The following TBC1D22A variants were observed in gnomAD, a reference collection of about 807,000 sequenced individuals.
The protein encoded by TBC1D22A is putative GTPase activator.
A neutral mutation model predicts 60.2 loss-of-function variants in TBC1D22A; 38 were observed. That is an observed-to-expected ratio of 0.63 (90% CI 0.49 to 0.83). The LOEUF (loss-of-function observed/expected upper bound fraction) is 0.83, where lower values mean the gene tolerates loss of function less well. TBC1D22A is among the 40% of genes least tolerant of loss of function. The pLI, the probability that TBC1D22A is intolerant of heterozygous loss-of-function variation, is 0.00. For synonymous variants in TBC1D22A, 302 were observed against 281.7 expected, an observed-to-expected ratio of 1.07 and a Z score of -0.72; for missense variants, 628 against 701.0, an observed-to-expected ratio of 0.90 and a Z score of 1.18.
At chr22:47,069,626 C>T (rs943657250) in intron 11 of TBC1D22A, among the ~76,000 whole-genome samples, 4 of 142,638 alleles carry the variant, frequency 2.8e-5, no homozygotes, top group African/African-American at 1.1e-4. Flanking sequence ...TTTGGTTGGA[C>T]GCTGTTCCCT....
chr22:47,155,186 C>T (rs1423079453), intron 12 of TBC1D22A, among the ~76,000 whole-genome samples: 3 of 150,846 alleles, frequency 2.0e-5, no homozygotes, highest in South Asian at 2.1e-4. Context: ...CACTGAAAGG[C>T]GCTTTTCTCT....
chr22:47,063,790 A>G (rs553695442), intron 11 of TBC1D22A, among the ~76,000 whole-genome samples: 1 of 152,140 alleles, frequency 6.6e-6, no homozygotes. Flanking sequence ...TCCCGCCTCC[A>G]TGTGTTACCA....
chr22:47,166,509 G>A (rs1035196697), intron 12 of TBC1D22A, among the ~76,000 whole-genome samples: 2 of 152,126 alleles, frequency 1.3e-5, no homozygotes, highest in Non-Finnish European at 1.5e-5. Flanking sequence ...GCACAGACCC[G>A]CCCTGTTTCA....
At chr22:47,162,219 A>G (rs1276742126) in intron 12 of TBC1D22A, among the ~76,000 whole-genome samples, 1 of 143,966 alleles carries the variant, frequency 6.9e-6, no homozygotes, top group Non-Finnish European at 1.5e-5. Flanking sequence ...TTTTTTTTTA[A>G]GGTTTTGTGT....
intron 8 of TBC1D22A, among the ~76,000 whole-genome samples, chr22:46,953,638 C>T (rs1467265634): frequency 6.6e-6 from 1 of 152,120 alleles, no homozygotes; most frequent in African/African-American, 2.4e-5. Flanking sequence ...GGTACAGAAT[C>T]CTGGGTTACC....
chr22:47,160,978 T>C (rs2067959305), intron 12 of TBC1D22A, among the ~76,000 whole-genome samples: 1 of 152,072 alleles, frequency 6.6e-6, no homozygotes, highest in African/African-American at 2.4e-5. Context: ...CCCTGAGCCT[T>C]TCTCAGTTCT....
intron 4 of TBC1D22A, among the ~76,000 whole-genome samples, chr22:46,832,898 A>C (rs897942967): frequency 1.3e-5 from 2 of 152,120 alleles, no homozygotes; most frequent in Admixed American, 6.5e-5. Flanking sequence ...GGAAGAAGGG[A>C]TAGAACAGGG....
chr22:46,783,383 C>T (rs542585073), intron 1 of TBC1D22A, among the ~76,000 whole-genome samples: 1 of 152,232 alleles, frequency 6.6e-6, no homozygotes, highest in Non-Finnish European at 1.5e-5. Flanking sequence ...AGAGCCAGAG[C>T]GATCTTTAAA....
At chr22:47,023,152 AAGACATGGAAGTAG>A (rs1046868804) in intron 10 of TBC1D22A, among the ~76,000 whole-genome samples, 7 of 152,242 alleles carry the variant, frequency 4.6e-5, no homozygotes, top group Non-Finnish European at 8.8e-5. Context: ...GAAATAGATA[AAGACATGGAAGTAG>A]AGACATGGAA....
intron 8 of TBC1D22A, among the ~76,000 whole-genome samples, chr22:46,973,832 T>C (rs1569292510): frequency 1.3e-5 from 2 of 152,214 alleles, no homozygotes; most frequent in Non-Finnish European, 2.9e-5. Context: ...GTTTTGATCA[T>C]AGCATGGAAG....
chr22:46,786,520 CAT>C (rs1455560441), intron 1 of TBC1D22A, among the ~76,000 whole-genome samples: 2 of 152,104 alleles, frequency 1.3e-5, no homozygotes, highest in South Asian at 2.1e-4. Flanking sequence ...GTACTTGCCT[CAT>C]AGAATGAGTT....
At chr22:46,971,841 G>A (rs1398064213) in intron 8 of TBC1D22A, among the ~76,000 whole-genome samples, 2 of 152,248 alleles carry the variant, frequency 1.3e-5, no homozygotes, top group African/African-American at 4.8e-5. Flanking sequence ...CTTCATCAGA[G>A]GGTGTGCTCA....
chr22:47,100,120 G>T (rs11912385), intron 11 of TBC1D22A, among the ~76,000 whole-genome samples: 52 of 152,322 alleles, frequency 3.4e-4, no homozygotes, highest in African/African-American at 1.3e-3. Flanking sequence ...CTTCCAGGGT[G>T]CTGCCTGGCC....
At chr22:46,907,616 G>T (rs1187034776) in intron 7 of TBC1D22A, among the ~76,000 whole-genome samples, 1 of 152,036 alleles carries the variant, frequency 6.6e-6, no homozygotes, top group Non-Finnish European at 1.5e-5. Context: ...CACCATCCTC[G>T]CCTCCACCAT....
At chr22:46,776,262 A>G (rs1274824126) in intron 1 of TBC1D22A, among the ~76,000 whole-genome samples, 1 of 152,148 alleles carries the variant, frequency 6.6e-6, no homozygotes, top group African/African-American at 2.4e-5. Flanking sequence ...CTGAGTGAGG[A>G]GGAGTACAGG....
chr22:46,953,920 G>A (rs144156879), intron 8 of TBC1D22A, among the ~76,000 whole-genome samples: 1 of 152,354 alleles, frequency 6.6e-6, no homozygotes, highest in East Asian at 1.9e-4. Context: ...GTATAGGTAA[G>A]GAAGCTGAGA....
chr22:46,837,964 G>A (rs1220176280), intron 4 of TBC1D22A, among the ~76,000 whole-genome samples: 3 of 152,226 alleles, frequency 2.0e-5, no homozygotes, highest in Admixed American at 1.3e-4. Flanking sequence ...GGGAGGCTGA[G>A]GCAGAGAATT....
intron 7 of TBC1D22A, among the ~76,000 whole-genome samples, chr22:46,905,798 G>A (rs1238512096): frequency 6.6e-6 from 1 of 152,248 alleles, no homozygotes; most frequent in South Asian, 2.1e-4. Context: ...GCAGGAATCA[G>A]TGGTCCTTCT....
At chr22:46,930,242 G>A (rs189850263) in intron 8 of TBC1D22A, among the ~76,000 whole-genome samples, 1 of 152,210 alleles carries the variant, frequency 6.6e-6, no homozygotes, top group African/African-American at 2.4e-5. Flanking sequence ...ACTGGTTTTG[G>A]TGAAGCATTT....
Sources: gnomAD v4.1 joint callset for allele counts (sites outside exome capture counted in the v4.1 genomes callset) on GRCh38, gnomAD v4.1.1 for gene constraint, MANE v1.5 for transcripts, NCBI Gene and HGNC (gene_info 2026-07-23, HGNC 2026-07-21) for gene names.